The following SH2D4A variants were observed in gnomAD, a reference collection of about 807,000 sequenced individuals.
The protein encoded by SH2D4A is SH2 domain-containing protein 4A.
SH2D4A carries 70 observed loss-of-function variants against 64.7 expected under a neutral mutation model. That is an observed-to-expected ratio of 1.08 (90% confidence interval 0.89 to 1.32). The LOEUF is 1.32. Ranked by LOEUF, SH2D4A falls within the 40% of genes most tolerant of loss-of-function variation. The pLI, the probability that SH2D4A is intolerant of heterozygous loss-of-function variation, is 0.00. For missense variants in SH2D4A, 706 were observed against 540.1 expected (o/e 1.31, Z -3.04); for synonymous variants, 268 against 200.7 (o/e 1.34, Z -2.83).
At chr8:19,362,782 A>C (rs1431153704) in intron 6 of SH2D4A, among the ~76,000 whole-genome samples, 1 of 152,148 alleles carries the variant, frequency 6.6e-6, no homozygotes, top group Non-Finnish European at 1.5e-5. Flanking sequence ...AGACACACAC[A>C]TACAGAAAAC....
intron 3 of SH2D4A, 120 bp downstream of exon 3, chr8:19,333,234 A>G (rs2052392251): frequency 8.7e-7 from 1 of 1,144,106 alleles, no homozygotes; most frequent in Non-Finnish European, 1.2e-6. Context: ...GAGGGTCACA[A>G]AAGTCACTTT....
In SH2D4A at chr8:19,313,722, G is replaced by A. The variant is rs1563178670; in HGVS notation, c.-306G>A. 6.7e-7 allele frequency: 1 copy of A among 1,501,114 alleles called. No individual in the cohort carries two copies. The highest frequency in any genetic ancestry group is 1.2e-5 in the South Asian group (1 of 81,976). 93.0% of individuals were successfully genotyped at this position (1,501,114 alleles called of 1,614,324 possible). A position where few individuals can be genotyped will look rare whatever the true frequency, so the allele number is the denominator to read the frequency against. On this transcript the variant is annotated 5_prime_UTR_variant, in exon 1 of 10. Transcript: ENST00000265807. ...TTGCTCAGCCCGCCTGCGCCGCTTG[G>A]GACGCCTCTGCCTTTCCCTCCCTCC...
In SH2D4A at chr8:19,314,526, C is replaced by CG. The variant is rs796434080; in HGVS notation, c.-205+708dup. 1.1e-4 allele frequency among the ~76,000 whole-genome samples: 16 copies of CG among 152,202 alleles called. No homozygotes were observed. The South Asian group carries it at 3.3e-3, about 32-fold the overall frequency. On this transcript the variant is annotated intron_variant, in intron 1 of 9. Transcript: ENST00000265807. ...CGGCGCCCCTGCCCGCTCCTGGACT[C>CG]GGGGGTCACGCGGGCACCGGAAGGA...
intron 4 of SH2D4A, among the ~76,000 whole-genome samples, chr8:19,337,962 T>G (rs908537182): frequency 3.9e-5 from 6 of 152,174 alleles, no homozygotes; most frequent in African/African-American, 1.4e-4. Flanking sequence ...AGCAGAGTTA[T>G]GCTGCCACAA....
At chr8:19,368,632 T>G (rs1033720064) in intron 7 of SH2D4A, among the ~76,000 whole-genome samples, 3 of 151,698 alleles carry the variant, frequency 2.0e-5, no homozygotes, top group African/African-American at 7.3e-5. Flanking sequence ...TTTTTTTTTT[T>G]TTGTTAGTCC....
At chr8:19,390,115 A>T (rs11997360) in intron 8 of SH2D4A, among the ~76,000 whole-genome samples, 22,435 of 152,096 alleles carry the variant, frequency 0.15, 1,856 homozygotes, top group African/African-American at 0.21. Flanking sequence ...CACGCCTATC[A>T]TCCCACTATC....
chr8:19,334,777 A>G lies in SH2D4A; in HGVS notation c.433A>G (p.Ile145Val), dbSNP rs2052418025. ...TCCGGATAACCAGCAGACTAAAGAC[A>G]TCTGGAAGAAAGTGGCAGAAAAGGA... is the stretch of plus-strand genomic sequence containing the variant. ...QAPDNQQTKD[I>V]WKKVAEKEEL... is the part of the protein sequence containing the mutation. The change falls in exon 4 of 10, where the codon ATC becomes GTC. Residue 145 changes from isoleucine (I) to valine (V), a missense_variant. Physicochemically the swap from Ile to Val is conservative, Grantham distance 29 (BLOSUM62 3). Coordinates refer to ENST00000265807, the MANE Select transcript of SH2D4A (RefSeq NM_022071.4). 2 of 1,614,182 alleles carry G rather than the reference A, an allele frequency of 1.2e-6. No individual in the cohort carries two copies. Among genetic ancestry groups the G allele is most frequent in the Non-Finnish European group, 1.7e-6 (2 of 1,180,026 alleles).
At chr8:19,387,457 C>T (rs1423388337) in intron 8 of SH2D4A, among the ~76,000 whole-genome samples, 4 of 152,212 alleles carry the variant, frequency 2.6e-5, no homozygotes, top group Non-Finnish European at 5.9e-5. Flanking sequence ...CCAGGCTAGT[C>T]TCAAACTCCT....
chr8:19,358,362 A>G (rs2052827014), intron 5 of SH2D4A, among the ~76,000 whole-genome samples: 1 of 152,318 alleles, frequency 6.6e-6, no homozygotes, highest in South Asian at 2.1e-4. Context: ...TGATAAACAT[A>G]TCTATGAGGA....
chr8:19,320,407 A>G (rs1335726321), intron 2 of SH2D4A, among the ~76,000 whole-genome samples: 1 of 152,054 alleles, frequency 6.6e-6, no homozygotes, highest in African/African-American at 2.4e-5. Context: ...TAGGAGGATC[A>G]CTTGAGTCCA....
intron 1 of SH2D4A, among the ~76,000 whole-genome samples, chr8:19,317,616 G>A (rs779749331): frequency 1.3e-5 from 2 of 152,162 alleles, no homozygotes; most frequent in African/African-American, 2.4e-5. Context: ...CAAAAGACAG[G>A]TGTAAATCAA....
At chr8:19,394,411 A>G in intron 9 of SH2D4A, 139 bp from the exon 10 acceptor site, 1 of 561,154 alleles carries the variant, frequency 1.8e-6, no homozygotes, top group Non-Finnish European at 3.1e-6. Flanking sequence ...TAGATAAGAA[A>G]AATGCCTTTT....
intron 4 of SH2D4A, among the ~76,000 whole-genome samples, chr8:19,349,512 T>C (rs766664068): frequency 2.0e-5 from 3 of 152,234 alleles, no homozygotes; most frequent in Non-Finnish European, 4.4e-5. Context: ...TTGTGGGAGA[T>C]ATTAGCATTG....
At chr8:19,331,225 G>A (rs3808644) in intron 2 of SH2D4A, among the ~76,000 whole-genome samples, 2 of 151,882 alleles carry the variant, frequency 1.3e-5, no homozygotes, top group East Asian at 3.9e-4. Flanking sequence ...CAAAAGTCAA[G>A]AATACGTTGG....
At chr8:19,377,666 TTATATACATTATATA>T (rs1483526275) in intron 8 of SH2D4A, among the ~76,000 whole-genome samples, 17 of 152,118 alleles carry the variant, frequency 1.1e-4, no homozygotes, top group Non-Finnish European at 2.5e-4. Context: ...CAGTGTTTTA[TTATATACATTATATA>T]TATATACACA....
At chr8:19,392,365 G>T (rs1245728502) in intron 8 of SH2D4A, among the ~76,000 whole-genome samples, 2 of 152,150 alleles carry the variant, frequency 1.3e-5, no homozygotes, top group African/African-American at 2.4e-5. Flanking sequence ...ACACCAGGGA[G>T]TCTCAATTTC....
chr8:19,392,030 G>A (rs1305286608), intron 8 of SH2D4A, among the ~76,000 whole-genome samples: 1 of 152,050 alleles, frequency 6.6e-6, no homozygotes, highest in Non-Finnish European at 1.5e-5. Flanking sequence ...ATCTTTCCAA[G>A]ATGCGTTTCT....
At chr8:19,326,714 C>T (rs546854629) in intron 2 of SH2D4A, among the ~76,000 whole-genome samples, 13 of 152,158 alleles carry the variant, frequency 8.5e-5, no homozygotes, top group Admixed American at 5.2e-4. Context: ...CCTCTCCCCC[C>T]TCTCGCACAC....
In SH2D4A at chr8:19,345,098, G is replaced by A. The variant is rs146116161; in HGVS notation, c.513+10241G>A. Among the ~76,000 whole-genome samples, 521 of 152,318 alleles carry A rather than the reference G, an allele frequency of 3.4e-3. 1 individual carries two copies. Among genetic ancestry groups the A allele is most frequent in the Non-Finnish European group, 4.7e-3 (321 of 68,030 alleles). On this transcript the variant is annotated intron_variant, in intron 4 of 9. Transcript: ENST00000265807. ...CTTTTGTTTTCTTAATCTATAAAAT[G>A]AGAGACTTTTAAATTGTTTAGTGAT...
Sources: gnomAD v4.1 joint callset for allele counts (sites outside exome capture counted in the v4.1 genomes callset) on GRCh38, gnomAD v4.1.1 for gene constraint, MANE v1.5 for transcripts, NCBI Gene and HGNC (gene_info 2026-07-23, HGNC 2026-07-21) for gene names.